NRG3: variants seen among roughly 807,000 people sequenced by gnomAD.
NRG3 encodes pro-neuregulin-3, membrane-bound isoform.
In NRG3, 31 loss-of-function variants were observed where a neutral mutation model predicts 66.9. The observed-to-expected ratio is 0.46, with a 90% CI of 0.35 to 0.63. The LOEUF (loss-of-function observed/expected upper bound fraction) is 0.63, where lower values mean the gene tolerates loss of function less well. Among genes scored for constraint, NRG3 ranks in the 20% least tolerant of loss-of-function variants. The pLI, the probability that NRG3 is intolerant of heterozygous loss-of-function variation, is 0.00. For missense variants in NRG3, 910 were observed against 878.9 expected (o/e 1.04, Z -0.45); for synonymous variants, 393 against 359.4 (o/e 1.09, Z -1.06).
Position 82,973,033 on chromosome 10 carries a change from G to T in NRG3, c.1285-755G>T, listed in dbSNP as rs145366610. Among the ~76,000 whole-genome samples the T allele has an allele frequency of 3.3e-3, 497 of 152,274 alleles. 3 individuals are homozygous for T. The highest frequency in any genetic ancestry group is 0.012 in the African/African-American group (480 of 41,568). ...TTTCTAAAGAAAGTCTTCACCTGGA[G>T]TTTCTAGAAGAGAACTCTTCTACCT... On this transcript the variant is annotated intron_variant, in intron 6 of 8. Coordinates refer to ENST00000372141, the MANE Select transcript of NRG3 (RefSeq NM_001010848.4).
chr10:82,668,501 G>A (rs1321712282), intron 2 of NRG3, among the ~76,000 whole-genome samples: 1 of 152,098 alleles, frequency 6.6e-6, no homozygotes, highest in African/African-American at 2.4e-5. Context: ...TATTAGATTG[G>A]AGTTGTTCCT....
At chr10:82,195,461 C>T (rs4293073) in intron 1 of NRG3, among the ~76,000 whole-genome samples, 7,006 of 152,198 alleles carry the variant, frequency 0.046, 332 homozygotes, top group African/African-American at 0.11. Context: ...AACTCCACAG[C>T]CCAGGGATGA....
At chr10:82,122,183 T>C (rs2068132456) in intron 1 of NRG3, among the ~76,000 whole-genome samples, 1 of 152,196 alleles carries the variant, frequency 6.6e-6, no homozygotes, top group South Asian at 2.1e-4. Flanking sequence ...TCTATCCCTT[T>C]ATGTTTAATA....
chr10:82,256,323 C>T lies in NRG3; in HGVS notation c.824-102416C>T, dbSNP rs904057779. On this transcript the variant is annotated intron_variant, in intron 1 of 8. Transcript: ENST00000372141. ...TCTAAAAATACTCAGATGTATCTAC[C>T]TTCTTTCCCCCAAATCGATGCCTTT... is the stretch of plus-strand genomic sequence containing the variant. Among the ~76,000 whole-genome samples, 7 of 152,154 alleles carry T rather than the reference C, an allele frequency of 4.6e-5. 1 individual carries two copies. Among genetic ancestry groups the T allele is most frequent in the Admixed American group, 2.6e-4 (4 of 15,266 alleles).
At chr10:82,130,665 A>T (rs529930891) in intron 1 of NRG3, among the ~76,000 whole-genome samples, 1 of 152,270 alleles carries the variant, frequency 6.6e-6, no homozygotes, top group East Asian at 1.9e-4. Flanking sequence ...ACCACAAAGT[A>T]CAAGGGTTCC....
intron 2 of NRG3, among the ~76,000 whole-genome samples, chr10:82,376,561 C>G (rs776668122): frequency 1.3e-4 from 20 of 152,204 alleles, no homozygotes; most frequent in Non-Finnish European, 2.5e-4. Context: ...CCTTTACACA[C>G]TCACAGAATT....
intron 1 of NRG3, among the ~76,000 whole-genome samples, chr10:81,996,258 A>G (rs950113538): frequency 1.3e-5 from 2 of 152,178 alleles, no homozygotes; most frequent in African/African-American, 2.4e-5. Flanking sequence ...TCTACAAGGT[A>G]TGAAAATGTT....
chr10:82,229,843 T>C (rs1437500739), intron 1 of NRG3, among the ~76,000 whole-genome samples: 1 of 152,012 alleles, frequency 6.6e-6, no homozygotes, highest in Non-Finnish European at 1.5e-5. Flanking sequence ...TAGAAAAGAA[T>C]GTTACATCCA....
At chr10:82,539,063 G>A (rs1285799146) in intron 2 of NRG3, among the ~76,000 whole-genome samples, 1 of 152,266 alleles carries the variant, frequency 6.6e-6, no homozygotes, top group East Asian at 1.9e-4. Flanking sequence ...AAGAGAAACT[G>A]GTGTATAATT....
At chr10:81,915,725 A>G (rs1033064560) in intron 1 of NRG3, among the ~76,000 whole-genome samples, 3 of 152,070 alleles carry the variant, frequency 2.0e-5, no homozygotes, top group South Asian at 2.1e-4. Context: ...TCTCTGTGAG[A>G]TCCCTGAGAG....
chr10:82,362,559 T>C (rs1180313380), intron 2 of NRG3, among the ~76,000 whole-genome samples: 1 of 145,224 alleles, frequency 6.9e-6, no homozygotes, highest in African/African-American at 2.6e-5. Flanking sequence ...TTTTTTTTTT[T>C]TTTTTTTTTT....
chr10:82,397,476 T>C (rs751383509), intron 2 of NRG3, among the ~76,000 whole-genome samples: 1 of 152,202 alleles, frequency 6.6e-6, no homozygotes, highest in Non-Finnish European at 1.5e-5. Context: ...TTAAACATAG[T>C]GAGCCAATTA....
At chr10:82,961,092 G>C (rs774418663) in intron 6 of NRG3, among the ~76,000 whole-genome samples, 12 of 152,160 alleles carry the variant, frequency 7.9e-5, no homozygotes, top group Non-Finnish European at 1.6e-4. Flanking sequence ...AGCACCAAAA[G>C]TTAGTTGAAT....
chr10:82,612,137 T>C (rs1041919759), intron 2 of NRG3, among the ~76,000 whole-genome samples: 5 of 152,208 alleles, frequency 3.3e-5, no homozygotes, highest in African/African-American at 7.2e-5. Context: ...TATATTTGTT[T>C]AAATTCTTTG....
At chr10:82,771,866 T>C (rs1591474327) in intron 3 of NRG3, among the ~76,000 whole-genome samples, 1 of 152,172 alleles carries the variant, frequency 6.6e-6, no homozygotes, top group East Asian at 1.9e-4. Context: ...ATTCACTCTG[T>C]TGTCTAAATC....
chr10:82,975,018 T>C (rs140313845), intron 7 of NRG3, among the ~76,000 whole-genome samples: 58 of 152,318 alleles, frequency 3.8e-4, no homozygotes, highest in African/African-American at 1.4e-3. Flanking sequence ...TTTAAAAGAA[T>C]ATGGTATGAG....
chr10:82,696,414 G>A (rs531679928), intron 2 of NRG3, among the ~76,000 whole-genome samples: 15 of 152,152 alleles, frequency 9.9e-5, no homozygotes, highest in Admixed American at 9.2e-4. Flanking sequence ...AGGCTGAAAG[G>A]AAATTATGTA....
chr10:82,152,201 A>G (rs184746477), intron 1 of NRG3, among the ~76,000 whole-genome samples: 1 of 152,308 alleles, frequency 6.6e-6, no homozygotes, highest in East Asian at 1.9e-4. Flanking sequence ...CCGTATTTAC[A>G]AAAAGGGACA....
At chr10:82,204,795 C>A (rs1271345211) in intron 1 of NRG3, among the ~76,000 whole-genome samples, 1 of 152,166 alleles carries the variant, frequency 6.6e-6, no homozygotes, top group Non-Finnish European at 1.5e-5. Flanking sequence ...CATGTATTCT[C>A]AAAACAGTGA....
Sources: gnomAD v4.1 joint callset for allele counts (sites outside exome capture counted in the v4.1 genomes callset) on GRCh38, gnomAD v4.1.1 for gene constraint, MANE v1.5 for transcripts, NCBI Gene and HGNC (gene_info 2026-07-23, HGNC 2026-07-21) for gene names.